The following PRKDC variants were observed in gnomAD, a reference collection of about 807,000 sequenced individuals.
PRKDC encodes the protein protein kinase, DNA-activated, catalytic subunit.
In PRKDC, 82 loss-of-function variants were observed where a neutral mutation model predicts 486.9. The ratio of observed to expected loss-of-function variants is 0.17; its 90% CI spans 0.14 to 0.20. The LOEUF (loss-of-function observed/expected upper bound fraction) is 0.20. Ranked by LOEUF, PRKDC falls within the 10% of genes least tolerant of loss-of-function variation. The pLI, the probability that PRKDC is intolerant of heterozygous loss-of-function variation, is 1.00. For missense variants in PRKDC, 4,504 were observed against 5,038.2 expected (o/e 0.89, Z 3.21); for synonymous variants, 1,895 against 1,837.0 (o/e 1.03, Z -0.81).
chr8:47,927,631 G>T (rs2154503423), intron 20 of PRKDC, 140 bp downstream of exon 20: 1 of 1,144,362 alleles, frequency 8.7e-7, no homozygotes, highest in Non-Finnish European at 1.2e-6. Flanking sequence ...AAGCCAGTAA[G>T]TGGCAGAAGC....
intron 49 of PRKDC, among the ~76,000 whole-genome samples, chr8:47,856,663 TG>T (rs1203581748): frequency 3.3e-5 from 5 of 152,220 alleles, no homozygotes; most frequent in African/African-American, 1.2e-4. Context: ...TCTACACTGG[TG>T]GGTACTGCAT....
intron 71 of PRKDC, among the ~76,000 whole-genome samples, chr8:47,800,294 T>G (rs2087076300): frequency 6.6e-6 from 1 of 152,072 alleles, no homozygotes; most frequent in Non-Finnish European, 1.5e-5. Flanking sequence ...AATGATGAGT[T>G]CATGTCCTTT....
Position 47,887,715 on chromosome 8 carries a change from A to C in PRKDC, c.4414-10T>G. On this transcript the variant is annotated splice_polypyrimidine_tract_variant and intron_variant, in intron 34 of 85. Coordinates refer to ENST00000314191, the MANE Select transcript of PRKDC (RefSeq NM_006904.7). ...GATGCAAATCTGTGGACTAAAAGGA[A>C]GCCAACACTGAAATGCCTAGCAAAA... The C allele has an allele frequency of 6.3e-7, 1 of 1,597,568 alleles. No individual in the cohort carries two copies.
chr8:47,853,135 C>T (rs2088450489), intron 51 of PRKDC, among the ~76,000 whole-genome samples: 1 of 152,192 alleles, frequency 6.6e-6, no homozygotes, highest in Non-Finnish European at 1.5e-5. Context: ...TATAGCAGGA[C>T]AAGGACAATA....
chr8:47,807,151 TG>T lies in PRKDC; in HGVS notation c.9732del (p.Asp3244GlufsTer13). 1 of 1,613,798 alleles carries T rather than the reference TG, an allele frequency of 6.2e-7. No individual in the cohort carries two copies. The highest frequency in any genetic ancestry group is 1.3e-5 in the African/African-American group (1 of 75,054). On this transcript the variant is annotated frameshift_variant, in exon 69 of 86. Transcript: ENST00000314191. LOFTEE classifies it high-confidence loss of function. ...CGAGTACCCACCTGCTTCCGGGCAC[TG>T]TCTATCATCTTCATTTTCATGGAAA... ...CKFSMKMKMI[D>X]SARKQNNFSL...
chr8:47,782,422 C>T lies in PRKDC; in HGVS notation c.11352G>A (p.Arg3784=), dbSNP rs1247198031. The T allele has an allele frequency of 6.2e-7, 1 of 1,601,934 alleles. No individual in the cohort carries two copies. The highest frequency in any genetic ancestry group is 1.7e-5 in the Admixed American group (1 of 58,240). The change falls in exon 79 of 86, where the codon AGG becomes AGA. Residue 3784 remains arginine, a synonymous_variant. Coordinates refer to ENST00000314191, the MANE Select transcript of PRKDC (RefSeq NM_006904.7). The surrounding 1 kb of genome is among the most constrained non-coding windows in gnomAD (Gnocchi z 4.9). The part of the protein sequence containing the change: ...ILAQDSACSQ[R]ALQLRTYSVV... ...CGCTATAGGTCCTCAGCTGCAGGGC[C>T]CTCTGGCTGCAGGCGGAGTCTTGGG...
chr8:47,809,296 C>A (rs932984849), intron 68 of PRKDC, among the ~76,000 whole-genome samples: 7 of 152,170 alleles, frequency 4.6e-5, no homozygotes, highest in Non-Finnish European at 8.8e-5. Flanking sequence ...CTCATCCCCA[C>A]ACCAACCACA....
chr8:47,843,000 G>A (rs1350904142), intron 54 of PRKDC, among the ~76,000 whole-genome samples: 1 of 152,040 alleles, frequency 6.6e-6, no homozygotes, highest in Non-Finnish European at 1.5e-5. Flanking sequence ...CCCCATCTCT[G>A]CAAAAATATA....
chr8:47,836,601 AT>A, intron 57 of PRKDC, 74 bp from the exon 58 acceptor site: 1 of 1,292,868 alleles, frequency 7.7e-7, no homozygotes, highest in Admixed American at 2.1e-5. Flanking sequence ...ACACTGATAT[AT>A]TTCTATTTAA....
chr8:47,783,016 G>A (rs567480267), intron 78 of PRKDC: 8 of 197,102 alleles, frequency 4.1e-5, no homozygotes, highest in African/African-American at 1.6e-4. Context: ...AGTGGCTTAC[G>A]CCTGTAATCC....
chr8:47,777,581 T>C, intron 84 of PRKDC, 105 bp downstream of exon 84: 1 of 1,184,380 alleles, frequency 8.4e-7, no homozygotes, highest in Non-Finnish European at 1.2e-6. Flanking sequence ...ATGTAAATAT[T>C]TTCATCAACA....
At chr8:47,859,924 A>C (rs1391033636) in intron 45 of PRKDC, among the ~76,000 whole-genome samples, 165 bp from the exon 46 acceptor site, 2 of 152,212 alleles carry the variant, frequency 1.3e-5, no homozygotes, top group Non-Finnish European at 2.9e-5. Context: ...GCAAAAAAGA[A>C]ATGGGGAAAA....
intron 52 of PRKDC, among the ~76,000 whole-genome samples, chr8:47,850,147 C>T (rs2088368736): frequency 6.6e-6 from 1 of 152,176 alleles, no homozygotes; most frequent in Non-Finnish European, 1.5e-5. Context: ...AAATGTCCTC[C>T]ACACAGAGAA....
At position 47,859,680 on chromosome 8, in the gene PRKDC, T is replaced by C. The variant is rs767324894; in HGVS notation, c.6138A>G (p.Ser2046=). The change falls in exon 46 of 86, where the codon TCA becomes TCG. Residue 2046 remains serine (S), a synonymous_variant. Transcript: ENST00000314191. ...TGTATGAATAGCTCTGAACTCCGGT[T>C]GAGAAATCAAATTGACTCATTTCCT... ...LSEEMSQFDF[S]TGVQSYSYSS... The C allele has an allele frequency of 6.2e-7, 1 of 1,613,958 alleles. No homozygotes were observed. Among genetic ancestry groups the C allele is most frequent in the Non-Finnish European group, 8.5e-7 (1 of 1,179,884 alleles).
At chr8:47,839,363 T>G in intron 55 of PRKDC, 117 bp from the exon 56 acceptor site, 1 of 733,414 alleles carries the variant, frequency 1.4e-6, no homozygotes, top group South Asian at 1.7e-5. Flanking sequence ...CCATTAGACT[T>G]TAGATCTCCA....
intron 69 of PRKDC, 58 bp from the exon 70 acceptor site, chr8:47,803,538 T>G (rs1437962981): frequency 3.1e-5 from 48 of 1,551,796 alleles, no homozygotes; most frequent in Non-Finnish European, 4.3e-5. Flanking sequence ...GTGACAGAAG[T>G]TTCTAATTGG....
chr8:47,872,113 A>G (rs1037280011), intron 40 of PRKDC, among the ~76,000 whole-genome samples: 2 of 152,222 alleles, frequency 1.3e-5, no homozygotes, highest in Non-Finnish European at 2.9e-5. Context: ...AACTTGAAAC[A>G]GCAAAACGTT....
chr8:47,816,455 G>A (rs1296688180), intron 68 of PRKDC, among the ~76,000 whole-genome samples: 1 of 152,132 alleles, frequency 6.6e-6, no homozygotes, highest in African/African-American at 2.4e-5. Flanking sequence ...TTGTTGTAGA[G>A]GTAGAGAAAA....
chr8:47,923,767 C>T (rs1211364065), intron 21 of PRKDC, among the ~76,000 whole-genome samples: 1 of 152,214 alleles, frequency 6.6e-6, no homozygotes, highest in Non-Finnish European at 1.5e-5. Flanking sequence ...AGCAAGGAGA[C>T]AGGAACCTTG....
Sources: allele counts gnomAD v4.1 joint callset (sites outside exome capture counted in the v4.1 genomes callset), GRCh38; gene constraint gnomAD v4.1.1; non-coding constraint Gnocchi (gnomAD v3.1); transcripts MANE v1.5; gene names NCBI Gene and HGNC (gene_info 2026-07-23, HGNC 2026-07-21).